The following NRXN3 variants were observed in gnomAD, a reference collection of about 807,000 sequenced individuals.
The protein encoded by NRXN3 is neurexin III.
NRXN3 carries 32 observed loss-of-function variants against 137.6 expected under a neutral mutation model. The ratio of observed to expected loss-of-function variants is 0.23; its 90% CI spans 0.18 to 0.31. NRXN3 has a LOEUF of 0.31. Ranked by LOEUF, NRXN3 falls within the 10% of genes least tolerant of loss-of-function variation. The pLI, the probability that NRXN3 is intolerant of heterozygous loss-of-function variation, is 1.00. For synonymous variants in NRXN3, 798 were observed against 784.5 expected (o/e 1.02, Z -0.29); for missense variants, 1,574 against 2,062.5 (o/e 0.76, Z 4.59).
chr14:79,341,798 C>A (rs1052199608), intron 15 of NRXN3, among the ~76,000 whole-genome samples: 2 of 152,244 alleles, frequency 1.3e-5, no homozygotes, highest in African/African-American at 4.8e-5. Flanking sequence ...AAAAGGAAGT[C>A]TGATTAAATG....
intron 19 of NRXN3, among the ~76,000 whole-genome samples, chr14:79,716,377 A>G (rs2098823707): frequency 1.3e-5 from 2 of 152,332 alleles, no homozygotes; most frequent in Non-Finnish European, 2.9e-5. Flanking sequence ...TATGGATGTA[A>G]TGTCAATAAT....
intron 19 of NRXN3, among the ~76,000 whole-genome samples, chr14:79,794,415 G>T (rs1800513741): frequency 1.3e-5 from 2 of 151,830 alleles, no homozygotes; most frequent in Non-Finnish European, 1.5e-5. Context: ...ACAAGAAGAG[G>T]TCTCCGGGTT....
chr14:79,478,593 G>A (rs1365456501), intron 16 of NRXN3, among the ~76,000 whole-genome samples: 1 of 152,108 alleles, frequency 6.6e-6, no homozygotes, highest in African/African-American at 2.4e-5. Flanking sequence ...TGGTAGAGGT[G>A]TAGCTACTAT....
At chr14:78,344,217 G>T (rs572763800) in intron 4 of NRXN3, among the ~76,000 whole-genome samples, 1 of 152,282 alleles carries the variant, frequency 6.6e-6, no homozygotes, top group African/African-American at 2.4e-5. Context: ...CACACATGTG[G>T]GTTTGCCCTC....
rs1481208650 is a variant in NRXN3 at position 78,423,751 on chromosome 14, G to T, written c.757+125891G>T. Among the ~76,000 whole-genome samples, 3 of 152,198 alleles carry T rather than the reference G, an allele frequency of 2.0e-5. No homozygotes were observed. The South Asian group carries it at 6.2e-4, about 31-fold the overall frequency. ...GTATTACGTTGGTGCAAAAGTAATT[G>T]TACCAATAATGCATCTGCATTTATT... On this transcript the variant is annotated intron_variant, in intron 4 of 20. Coordinates refer to ENST00000335750, the MANE Select transcript of NRXN3 (RefSeq NM_001330195.2).
chr14:78,770,854 G>A (rs73317994), intron 8 of NRXN3, among the ~76,000 whole-genome samples: 1,967 of 152,226 alleles, frequency 0.013, 51 homozygotes, highest in African/African-American at 0.045. Context: ...TGGGGTTGGG[G>A]GGGGTACAGC....
At chr14:79,566,703 A>G (rs992630285) in intron 16 of NRXN3, among the ~76,000 whole-genome samples, 4 of 152,154 alleles carry the variant, frequency 2.6e-5, no homozygotes, top group African/African-American at 7.2e-5. Flanking sequence ...AGTATTCAAT[A>G]CATACCTAAT....
chr14:79,853,233 G>A (rs1385944358), intron 20 of NRXN3, among the ~76,000 whole-genome samples: 3 of 152,250 alleles, frequency 2.0e-5, no homozygotes, highest in East Asian at 3.9e-4. Context: ...GGGGCTGTGT[G>A]GCTGCCGATG....
intron 20 of NRXN3, among the ~76,000 whole-genome samples, chr14:79,833,529 C>A (rs1422578084): frequency 6.6e-6 from 1 of 152,022 alleles, no homozygotes; most frequent in Non-Finnish European, 1.5e-5. Context: ...CGGACAAAAC[C>A]TCCTGAATTT....
chr14:79,017,166 T>A (rs2099580646), intron 15 of NRXN3, among the ~76,000 whole-genome samples: 1 of 151,994 alleles, frequency 6.6e-6, no homozygotes, highest in Non-Finnish European at 1.5e-5. Context: ...ATACATTGGC[T>A]AACTATGAAT....
chr14:78,578,956 G>GA (rs369168547), intron 4 of NRXN3, among the ~76,000 whole-genome samples: 6,782 of 140,200 alleles, frequency 0.048, 225 homozygotes, highest in African/African-American at 0.097. Context: ...AAAGAAAAAA[G>GA]AAAAAAAAAA....
intron 16 of NRXN3, among the ~76,000 whole-genome samples, chr14:79,649,683 T>C (rs1251734256): frequency 1.3e-5 from 2 of 152,184 alleles, no homozygotes; most frequent in Admixed American, 6.5e-5. Context: ...GTTGATAGTG[T>C]AAGGAATTTT....
chr14:78,875,959 C>G (rs1014074787), intron 10 of NRXN3, among the ~76,000 whole-genome samples: 1 of 152,164 alleles, frequency 6.6e-6, no homozygotes, highest in Non-Finnish European at 1.5e-5. Flanking sequence ...AGGCAGAGGA[C>G]AAGTAACTCC....
intron 14 of NRXN3, among the ~76,000 whole-genome samples, chr14:78,981,759 T>G (rs931709226): frequency 2.0e-5 from 3 of 152,230 alleles, no homozygotes; most frequent in Non-Finnish European, 4.4e-5. Flanking sequence ...TTTATATCAA[T>G]AGATGTTTAG....
rs565652633 is a variant in NRXN3, at chr14:78,827,370, C to G, written c.2275+17026C>G. On this transcript the variant is annotated intron_variant, in intron 10 of 20. Transcript: ENST00000335750. The stretch of plus-strand genomic sequence containing the variant: ...AATAATTAATTTTTGGTTCGTTATT[C>G]TCTATTCACTTTTTCCTAACATATG... 1.1e-4 allele frequency among the ~76,000 whole-genome samples: 17 copies of G among 151,892 alleles called. No homozygotes were observed. In the South Asian group the frequency reaches 3.3e-3, roughly 30 times the overall value.
intron 15 of NRXN3, among the ~76,000 whole-genome samples, chr14:79,072,765 C>G (rs2099689593): frequency 1.3e-5 from 2 of 152,064 alleles, no homozygotes; most frequent in Admixed American, 1.3e-4. Context: ...TTGAAGAGTT[C>G]ATTGTGATGG....
chr14:78,935,656 C>T (rs190151105), intron 10 of NRXN3, among the ~76,000 whole-genome samples: 3 of 152,252 alleles, frequency 2.0e-5, no homozygotes, highest in Admixed American at 6.5e-5. Context: ...CAGAGCTGGT[C>T]GAATCCACAG....
At chr14:79,693,770 G>A (rs1479820058) in intron 18 of NRXN3, among the ~76,000 whole-genome samples, 1 of 151,730 alleles carries the variant, frequency 6.6e-6, no homozygotes, top group Non-Finnish European at 1.5e-5. Context: ...CAAGTTGAGG[G>A]GTTGGGATGG....
At chr14:78,252,961 C>T (rs2068882859) in intron 2 of NRXN3, among the ~76,000 whole-genome samples, 1 of 152,166 alleles carries the variant, frequency 6.6e-6, no homozygotes, top group Non-Finnish European at 1.5e-5. Flanking sequence ...TTTCTTCCTT[C>T]CTCCTCATTC....
Sources: gnomAD v4.1 joint callset for allele counts (sites outside exome capture counted in the v4.1 genomes callset) on GRCh38, gnomAD v4.1.1 for gene constraint, MANE v1.5 for transcripts, NCBI Gene and HGNC (gene_info 2026-07-23, HGNC 2026-07-21) for gene names.